PRKN: variants seen among roughly 807,000 people sequenced by gnomAD.
PRKN encodes E3 ubiquitin-protein ligase parkin.
In PRKN, 56 loss-of-function variants were observed where a neutral mutation model predicts 59.5. The observed-to-expected ratio is 0.94, with a 90% CI of 0.76 to 1.18. The LOEUF is 1.18. Among genes scored for constraint, PRKN ranks in the 50% most tolerant of loss-of-function variants. The pLI, the probability that PRKN is intolerant of heterozygous loss-of-function variation, is 0.00. For synonymous variants in PRKN, 250 were observed against 222.1 expected, an observed-to-expected ratio of 1.13 and a Z score of -1.12; for missense variants, 657 against 596.4, an observed-to-expected ratio of 1.10 and a Z score of -1.06.
intron 4 of PRKN, among the ~76,000 whole-genome samples, chr6:162,104,104 T>C (rs1366216423): frequency 6.6e-6 from 1 of 152,160 alleles, no homozygotes; most frequent in Non-Finnish European, 1.5e-5. Flanking sequence ...GGTTTCAATC[T>C]CAGCTCTACC....
Position 161,719,164 on chromosome 6 carries a change from A to G in PRKN, c.871+66608T>C, listed in dbSNP as rs569330598. ...CTAGCGAAGGGTACGGATTGCCAACATTCTCGAGTCTCTCCTTCCAGAGAT... is the reference window on the plus strand; with the variant it reads ...CTAGCGAAGGGTACGGATTGCCAACGTTCTCGAGTCTCTCCTTCCAGAGAT... On this transcript the variant is annotated intron_variant, in intron 7 of 11. Transcript: ENST00000366898. Among the ~76,000 whole-genome samples the G allele has an allele frequency of 1.3e-4, 20 of 152,266 alleles. No individual in the cohort carries two copies. The South Asian group carries it at 3.9e-3, about 30-fold the overall frequency.
Position 161,973,437 on chromosome 6 carries a change from G to T in PRKN, c.619-20C>A. 7.4e-7 allele frequency: 1 copy of T among 1,342,914 alleles called. No homozygotes were observed. Among genetic ancestry groups the T allele is most frequent in the Non-Finnish European group, 1.1e-6 (1 of 933,460 alleles). The allele number at this position is 1,342,914 out of a possible 1,614,324, so 83.2% of individuals were successfully genotyped here. On this transcript the variant is annotated intron_variant, in intron 5 of 11. Transcript: ENST00000366898. ...AAATTCCTGAAAGAAAGATAAATAT[G>T]ATCACACACATGGATCCCGGCTGCT...
chr6:162,071,968 C>A (rs1040776813), intron 4 of PRKN, among the ~76,000 whole-genome samples: 1 of 152,100 alleles, frequency 6.6e-6, no homozygotes, highest in Non-Finnish European at 1.5e-5. Flanking sequence ...CACTACCAAA[C>A]ACTATCATAA....
intron 4 of PRKN, among the ~76,000 whole-genome samples, chr6:162,089,876 G>A (rs1333270388): frequency 2.0e-5 from 3 of 152,134 alleles, no homozygotes; most frequent in East Asian, 1.9e-4. Context: ...AGGTACTCGG[G>A]GAAGAGGGAA....
rs563934825 is a variant in PRKN, at chr6:161,353,342, G to C, written c.1286-3131C>G. On this transcript the variant is annotated intron_variant, in intron 11 of 11. Transcript: ENST00000366898. The surrounding 1 kb of genome is among the most constrained non-coding windows in gnomAD (Gnocchi z 4.8). ...TGGAGGAAGGAATGCTGCACAGGGA[G>C]GCCAAGAAGAATCTAGACCGGCAGG... is the stretch of plus-strand genomic sequence containing the variant. 6.6e-6 allele frequency among the ~76,000 whole-genome samples: 1 copy of C among 152,146 alleles called. No individual in the cohort carries two copies. Among genetic ancestry groups the C allele is most frequent in the Non-Finnish European group, 1.5e-5 (1 of 68,036 alleles).
intron 7 of PRKN, among the ~76,000 whole-genome samples, chr6:161,677,596 G>A (rs1312596552): frequency 1.3e-5 from 2 of 152,282 alleles, no homozygotes; most frequent in Non-Finnish European, 2.9e-5. Flanking sequence ...TGCTCACCTC[G>A]GCAGCACACA....
intron 10 of PRKN, among the ~76,000 whole-genome samples, chr6:161,368,381 T>TTATATATATATA (rs1562399363): frequency 8.5e-5 from 6 of 70,806 alleles, no homozygotes; most frequent in Admixed American, 1.2e-4. Flanking sequence ...ACCTCAGTCT[T>TTATATATATATA]GATATATATA....
intron 2 of PRKN, among the ~76,000 whole-genome samples, chr6:162,285,390 G>A (rs537373322): frequency 6.7e-6 from 1 of 148,800 alleles, no homozygotes; most frequent in South Asian, 2.1e-4. Context: ...GGGGATGACT[G>A]CATTATTTCA....
intron 1 of PRKN, among the ~76,000 whole-genome samples, chr6:162,444,111 GC>G (rs1166887691): frequency 6.6e-6 from 1 of 152,102 alleles, no homozygotes; most frequent in Non-Finnish European, 1.5e-5. Flanking sequence ...GACCCAGGCT[GC>G]ATCCTCTAGT....
chr6:161,867,748 T>TATTTATTTA (rs1562348580), intron 6 of PRKN, among the ~76,000 whole-genome samples: 1 of 142,652 alleles, frequency 7.0e-6, no homozygotes, highest in African/African-American at 2.9e-5. Context: ...TTCATTTATT[T>TATTTATTTA]ATTTATTTAT....
In PRKN at chr6:161,360,055, G is replaced by A. The variant is rs761669123; in HGVS notation, c.1285+33C>T. 9.0e-6 allele frequency: 13 copies of A among 1,448,070 alleles called. No homozygotes were observed. Among genetic ancestry groups the A allele is most frequent in the Admixed American group, 1.7e-5 (1 of 59,806 alleles). The allele number at this position is 1,448,070 out of a possible 1,614,324, so 89.7% of individuals were successfully genotyped here. ...TATGATTCTCCCCCAAAGAGCACAC[G>A]ACATCCTCATTCTCTGCTCAGCACA... On this transcript the variant is annotated intron_variant, in intron 11 of 11. Transcript: ENST00000366898. The surrounding 1 kb of genome is among the most constrained non-coding windows in gnomAD (Gnocchi z 5.1).
At chr6:161,829,823 C>T (rs1354193162) in intron 6 of PRKN, among the ~76,000 whole-genome samples, 1 of 148,328 alleles carries the variant, frequency 6.7e-6, no homozygotes, top group African/African-American at 2.5e-5. Flanking sequence ...AAGTCTTTAA[C>T]CTTCATGCCA....
At chr6:161,946,439 CT>C (rs1779785202) in intron 6 of PRKN, among the ~76,000 whole-genome samples, 1 of 150,104 alleles carries the variant, frequency 6.7e-6, no homozygotes. Context: ...CTCTCTCTCT[CT>C]CTCTCTCTCT....
At chr6:161,967,296 C>A (rs777158686) in intron 6 of PRKN, among the ~76,000 whole-genome samples, 1 of 152,156 alleles carries the variant, frequency 6.6e-6, no homozygotes, top group Non-Finnish European at 1.5e-5. Context: ...TCATTGCAGA[C>A]TTCATCTTTG....
chr6:161,724,664 A>G (rs551075159), intron 7 of PRKN, among the ~76,000 whole-genome samples: 24 of 152,182 alleles, frequency 1.6e-4, no homozygotes, highest in Admixed American at 7.9e-4. Flanking sequence ...TTTGTATTTT[A>G]TCATGCAGGG....
chr6:161,635,943 G>C (rs1783498262), intron 7 of PRKN, among the ~76,000 whole-genome samples: 1 of 152,194 alleles, frequency 6.6e-6, no homozygotes, highest in East Asian at 1.9e-4. Context: ...AGCCCACCAA[G>C]GGCTGAATGT....
At chr6:162,583,747 G>A (rs1372309458) in intron 1 of PRKN, among the ~76,000 whole-genome samples, 2 of 151,858 alleles carry the variant, frequency 1.3e-5, no homozygotes, top group Non-Finnish European at 2.9e-5. Context: ...CCATTCAAAT[G>A]AAAAAAATTA....
At chr6:161,836,738 C>T (rs1050904200) in intron 6 of PRKN, among the ~76,000 whole-genome samples, 6 of 152,160 alleles carry the variant, frequency 3.9e-5, no homozygotes, top group African/African-American at 7.2e-5. Flanking sequence ...AGAAGCCCCT[C>T]GTCCACCCTG....
intron 5 of PRKN, among the ~76,000 whole-genome samples, chr6:162,051,179 A>G (rs928918585): frequency 6.6e-6 from 1 of 152,098 alleles, no homozygotes; most frequent in East Asian, 1.9e-4. Flanking sequence ...TCAGAATTCC[A>G]AAGTCCACAC....
Sources: allele counts gnomAD v4.1 joint callset (sites outside exome capture counted in the v4.1 genomes callset), GRCh38; gene constraint gnomAD v4.1.1; non-coding constraint Gnocchi (gnomAD v3.1); transcripts MANE v1.5; gene names NCBI Gene and HGNC (gene_info 2026-07-23, HGNC 2026-07-21).